AGBL4: variants seen among roughly 807,000 people sequenced by gnomAD.
AGBL4 encodes cytosolic carboxypeptidase 6.
AGBL4 carries 58 observed loss-of-function variants against 66.4 expected under a neutral mutation model. The ratio of observed to expected loss-of-function variants is 0.87; its 90% CI spans 0.71 to 1.09. The LOEUF is 1.09. Among genes scored for constraint, AGBL4 ranks in the 50% least tolerant of loss-of-function variants. The probability of loss-of-function intolerance (pLI) is 0.00; values close to 1 mark genes in which losing one functional copy is unlikely to be tolerated. For missense variants in AGBL4, 579 were observed against 631.0 expected (o/e 0.92, Z 0.88); for synonymous variants, 234 against 222.9 (o/e 1.05, Z -0.44).
intron 2 of AGBL4, among the ~76,000 whole-genome samples, chr1:49,793,588 G>A (rs1013598085): frequency 1.3e-5 from 2 of 151,864 alleles, no homozygotes; most frequent in African/African-American, 4.8e-5. Flanking sequence ...GTAAATAGTA[G>A]GTCTCAACAT....
intron 1 of AGBL4, among the ~76,000 whole-genome samples, chr1:49,971,690 A>G (rs1658095034): frequency 6.6e-6 from 1 of 151,920 alleles, no homozygotes; most frequent in Admixed American, 6.6e-5. Context: ...TTAAATGGAA[A>G]AGGCATTAAA....
intron 6 of AGBL4, among the ~76,000 whole-genome samples, chr1:48,686,595 G>C (rs1646535765): frequency 6.6e-6 from 1 of 152,180 alleles, no homozygotes; most frequent in South Asian, 2.1e-4. Context: ...AGAAAAAAGG[G>C]ACTAAGGAAT....
chr1:49,169,632 G>T (rs1217643756), intron 4 of AGBL4, among the ~76,000 whole-genome samples: 1 of 152,180 alleles, frequency 6.6e-6, no homozygotes. Flanking sequence ...CCATTAAGCA[G>T]TTATTTCCCA....
intron 5 of AGBL4, among the ~76,000 whole-genome samples, chr1:48,872,024 T>C (rs1051431603): frequency 2.0e-5 from 3 of 152,158 alleles, no homozygotes; most frequent in Non-Finnish European, 4.4e-5. Flanking sequence ...ATTTTCATAA[T>C]TATGAAAATC....
chr1:48,878,308 C>T (rs1171449850), intron 5 of AGBL4, among the ~76,000 whole-genome samples: 1 of 152,162 alleles, frequency 6.6e-6, no homozygotes, highest in South Asian at 2.1e-4. Flanking sequence ...TGAAATGGAT[C>T]AGGAACACTT....
At chr1:49,598,546 G>A (rs1253308515) in intron 3 of AGBL4, among the ~76,000 whole-genome samples, 8 of 152,282 alleles carry the variant, frequency 5.3e-5, no homozygotes, top group African/African-American at 9.6e-5. Context: ...CGTGAACCGC[G>A]AATGCTGCTC....
intron 3 of AGBL4, among the ~76,000 whole-genome samples, chr1:49,549,170 G>A (rs1652747900): frequency 6.6e-6 from 1 of 151,014 alleles, no homozygotes; most frequent in Non-Finnish European, 1.5e-5. Flanking sequence ...GAGGTTATTT[G>A]GATTTTCTCT....
chr1:48,925,850 G>A (rs987237020), intron 5 of AGBL4, among the ~76,000 whole-genome samples: 1 of 152,092 alleles, frequency 6.6e-6, no homozygotes, highest in Non-Finnish European at 1.5e-5. Context: ...TTATCCACTG[G>A]GCAGCTGTAA....
chr1:49,123,541 T>G (rs1645704624), intron 4 of AGBL4, among the ~76,000 whole-genome samples: 1 of 152,208 alleles, frequency 6.6e-6, no homozygotes, highest in Non-Finnish European at 1.5e-5. Flanking sequence ...ATAGGATTGC[T>G]TTTATCAATA....
intron 1 of AGBL4, among the ~76,000 whole-genome samples, chr1:49,941,694 A>T (rs1463265097): frequency 2.0e-5 from 3 of 152,130 alleles, no homozygotes; most frequent in East Asian, 3.9e-4. Context: ...TCATGATTTT[A>T]AAAAAACTCT....
At chr1:49,040,739 A>G (rs1170282011) in intron 5 of AGBL4, among the ~76,000 whole-genome samples, 4 of 152,102 alleles carry the variant, frequency 2.6e-5, no homozygotes, top group African/African-American at 7.2e-5. Flanking sequence ...TGGCAAATTT[A>G]TGGTGTCAGC....
intron 3 of AGBL4, among the ~76,000 whole-genome samples, chr1:49,542,877 T>G (rs1412954664): frequency 1.8e-5 from 2 of 111,114 alleles, no homozygotes; most frequent in East Asian, 5.2e-4. Flanking sequence ...CCAGCCTGGG[T>G]GACAGAGTAA....
intron 3 of AGBL4, among the ~76,000 whole-genome samples, chr1:49,247,953 T>C (rs1461274898): frequency 3.9e-5 from 6 of 152,074 alleles, no homozygotes; most frequent in Non-Finnish European, 8.8e-5. Context: ...AAATCTTAGG[T>C]GTTTTGGCCA....
At chr1:48,833,715 C>A (rs1489048371) in intron 6 of AGBL4, among the ~76,000 whole-genome samples, 1 of 152,146 alleles carries the variant, frequency 6.6e-6, no homozygotes, top group African/African-American at 2.4e-5. Context: ...GGAAACACTG[C>A]CAGCTAGAAG....
chr1:48,585,020 C>T (rs970019106), intron 11 of AGBL4: 1 of 152,170 alleles, frequency 6.6e-6, no homozygotes, highest in African/African-American at 2.4e-5. Flanking sequence ...TTCTGTGAGT[C>T]AGGAATCATG....
At chr1:48,875,393 T>C (rs1323543692) in intron 5 of AGBL4, among the ~76,000 whole-genome samples, 1 of 152,092 alleles carries the variant, frequency 6.6e-6, no homozygotes, top group Non-Finnish European at 1.5e-5. Context: ...AAAAATGCTT[T>C]AGCATGTTAC....
intron 1 of AGBL4, among the ~76,000 whole-genome samples, chr1:50,001,801 A>T (rs151333360): frequency 9.2e-4 from 140 of 152,236 alleles, no homozygotes; most frequent in African/African-American, 3.2e-3. Context: ...TTTACATGAA[A>T]TCTTCCTATT....
chr1:49,222,492 CA>C (rs565694885), intron 4 of AGBL4, among the ~76,000 whole-genome samples: 1 of 152,150 alleles, frequency 6.6e-6, no homozygotes, highest in Non-Finnish European at 1.5e-5. Context: ...TCTAATAAAG[CA>C]AAATTTATTC....
At chr1:48,919,854 T>A (rs1571001485) in intron 5 of AGBL4, among the ~76,000 whole-genome samples, 1 of 152,198 alleles carries the variant, frequency 6.6e-6, no homozygotes, top group Non-Finnish European at 1.5e-5. Context: ...ACATAAGGGA[T>A]CTCACTGGGT....
Sources: gnomAD v4.1 joint callset for allele counts (sites outside exome capture counted in the v4.1 genomes callset) on GRCh38, gnomAD v4.1.1 for gene constraint, MANE v1.5 for transcripts, NCBI Gene and HGNC (gene_info 2026-07-23, HGNC 2026-07-21) for gene names.